Variants in GAGE10 observed in about 807,000 individuals in gnomAD.
GAGE10 encodes the protein G antigen 10.
Under a neutral mutation model 11.5 loss-of-function variants are expected in GAGE10, and 9 were observed. The observed-to-expected ratio is 0.78, with a 90% CI of 0.47 to 1.37. GAGE10 has a LOEUF of 1.37. Among genes scored for constraint, GAGE10 ranks in the 40% most tolerant of loss-of-function variants. GAGE10 has a pLI of 0.00. For synonymous variants in GAGE10, 23 were observed against 29.7 expected (o/e 0.77, Z 0.73); for missense variants, 83 against 92.9 (o/e 0.89, Z 0.44).
intron 3 of GAGE10, among the ~76,000 whole-genome samples, chrX:49,315,741 G>T (rs1355878395): frequency 5.3e-5 from 6 of 112,223 alleles, no homozygotes; most frequent in African/African-American, 1.9e-4. Flanking sequence ...GTTCAGACTT[G>T]GTCCGGATGG....
intron 3 of GAGE10, among the ~76,000 whole-genome samples, chrX:49,316,819 A>C (rs1557125288): frequency 9.0e-6 from 1 of 111,203 alleles, no homozygotes; most frequent in Non-Finnish European, 1.9e-5. Flanking sequence ...ATGCCATATA[A>C]CAGTCTAAGT....
intron 3 of GAGE10, among the ~76,000 whole-genome samples, chrX:49,315,478 C>T (rs1431422477): frequency 1.8e-5 from 2 of 111,601 alleles, no homozygotes; most frequent in Non-Finnish European, 3.8e-5. Flanking sequence ...TGCTCAACTG[C>T]GTCATAAGGT....
At chrX:49,317,336 G>A in intron 4 of GAGE10, 48 bp downstream of exon 4, 1 of 1,163,146 alleles carries the variant, frequency 8.6e-7, no homozygotes, top group Non-Finnish European at 1.2e-6. Flanking sequence ...TGTTTCCACA[G>A]TATCGTATCA....
intron 3 of GAGE10, among the ~76,000 whole-genome samples, chrX:49,315,256 G>A (rs1287014575): frequency 5.4e-5 from 6 of 111,961 alleles, no homozygotes; most frequent in African/African-American, 6.5e-5. Context: ...TTCCTCTAAA[G>A]CAAAGGGAAC....
rs373258005 is a variant in GAGE10 at position 49,317,323 on chromosome X, G to A, written c.328+35G>A. ...CCATTAGGCATGCACATTGTAGGGT[G>A]TCTGTTTCCACAGTATCGTATCATA... On this transcript the variant is annotated intron_variant, in intron 4 of 4. Transcript: ENST00000407599. The A allele has an allele frequency of 3.4e-6, 4 of 1,176,387 alleles. No individual in the cohort carries two copies. The African/African-American group carries it at 7.1e-5, about 21-fold the overall frequency.
chrX:49,310,086 A>C (rs1372585805), intron 3 of GAGE10, among the ~76,000 whole-genome samples: 1 of 112,386 alleles, frequency 8.9e-6, no homozygotes, highest in African/African-American at 3.2e-5. Flanking sequence ...GTTTTAAGAA[A>C]GACTTTGTGA....
chrX:49,309,152 G>A (rs1256980986), intron 3 of GAGE10, among the ~76,000 whole-genome samples: 1 of 111,931 alleles, frequency 8.9e-6, no homozygotes, highest in East Asian at 2.8e-4. Flanking sequence ...TCCCATAATA[G>A]GACCCAGTCT....
chrX:49,317,069 CTT>C (rs1178854666), intron 3 of GAGE10, 92 bp from the exon 4 acceptor site: 1 of 996,175 alleles, frequency 1.0e-6, no homozygotes, highest in Non-Finnish European at 1.4e-6. Context: ...CTAGCTAAAG[CTT>C]TTATATAATA....
chrX:49,308,020 G>C (rs2066363418), intron 3 of GAGE10, among the ~76,000 whole-genome samples: 1 of 112,053 alleles, frequency 8.9e-6, no homozygotes, highest in Non-Finnish European at 1.9e-5. Context: ...AAAACATGTT[G>C]TTCCTTGAAA....
chrX:49,316,626 G>A (rs782307718), intron 3 of GAGE10, among the ~76,000 whole-genome samples: 4 of 111,886 alleles, frequency 3.6e-5, no homozygotes, highest in Non-Finnish European at 5.6e-5. Flanking sequence ...TCTTGCATGT[G>A]CTTTTCAGGT....
At chrX:49,308,231 C>A (rs1488139170) in intron 3 of GAGE10, among the ~76,000 whole-genome samples, 1 of 112,256 alleles carries the variant, frequency 8.9e-6, no homozygotes, top group Non-Finnish European at 1.9e-5. Flanking sequence ...TCCTCCTCAA[C>A]CCCTCGGTCT....
chrX:49,317,381 T>G, intron 4 of GAGE10, 93 bp downstream of exon 4: 1 of 1,109,916 alleles, frequency 9.0e-7, no homozygotes, highest in Non-Finnish European at 1.2e-6. Context: ...GGAGTCTTGC[T>G]CTGTCCACCA....
chrX:49,317,642 G>A (rs2066399018), intron 4 of GAGE10, among the ~76,000 whole-genome samples: 1 of 77,530 alleles, frequency 1.3e-5, no homozygotes, highest in South Asian at 7.4e-4. Flanking sequence ...GCCACCATAC[G>A]CGACCAAGGC....
At chrX:49,305,575 TCGTG>T (rs2066353340) in intron 3 of GAGE10, 51 bp downstream of exon 3, 1 of 489,280 alleles carries the variant, frequency 2.0e-6, no homozygotes, top group Admixed American at 4.4e-5. Context: ...GTGTGTGTGT[TCGTG>T]TGTGTGTGTG....
intron 3 of GAGE10, among the ~76,000 whole-genome samples, chrX:49,315,433 G>A (rs782789931): frequency 8.0e-5 from 9 of 111,984 alleles, no homozygotes; most frequent in Non-Finnish European, 1.7e-4. Context: ...CCTGGGCACA[G>A]GATGGGTCAT....
Position 49,303,882 on chromosome X carries a change from G to A in GAGE10, c.-9+129G>A, listed in dbSNP as rs1557123732. The A allele has an allele frequency of 2.7e-5, 3 of 112,204 alleles. No homozygotes were observed. The Admixed American group carries it at 2.8e-4, about 11-fold the overall frequency. The allele number at this position is 112,204 out of a possible 1,213,427, so 9.2% of individuals were successfully genotyped here. A position where few individuals can be genotyped will look rare whatever the true frequency, so the allele number is the denominator to read the frequency against. Reference sequence around the variant, plus strand: ...GGCCTCTGAGGGAGAAGGGCCTCGAGGCTTCTGAAAGGGAAGGGGCTCCTG... The same window carrying A: ...GGCCTCTGAGGGAGAAGGGCCTCGAAGCTTCTGAAAGGGAAGGGGCTCCTG... On this transcript the variant is annotated intron_variant, in intron 1 of 4. Coordinates refer to ENST00000407599, the MANE Select transcript of GAGE10 (RefSeq NM_001098413.4).
chrX:49,307,356 TTCCTTGG>T (rs1442223108), intron 3 of GAGE10, among the ~76,000 whole-genome samples: 2 of 112,574 alleles, frequency 1.8e-5, no homozygotes, highest in Non-Finnish European at 3.7e-5. Context: ...GAAAAAGTAA[TTCCTTGG>T]TCATCACTGC....
At position 49,304,949 on chromosome X, in the gene GAGE10, T is replaced by C; in HGVS notation, c.81+9T>C. ...TGATTGGGCCTATGCTGGTGAGTGC[T>C]TAAACGTTAATTCGTTGTTTTCTAT... On this transcript the variant is annotated intron_variant, in intron 2 of 4. Coordinates refer to ENST00000407599, the MANE Select transcript of GAGE10 (RefSeq NM_001098413.4). 2 of 1,194,838 alleles carry C rather than the reference T, an allele frequency of 1.7e-6. No homozygotes were observed. The highest frequency in any genetic ancestry group is 2.3e-6 in the Non-Finnish European group (2 of 882,997).
intron 3 of GAGE10, among the ~76,000 whole-genome samples, chrX:49,310,848 G>C (rs1308392238): frequency 9.0e-6 from 1 of 111,435 alleles, no homozygotes; most frequent in Non-Finnish European, 1.9e-5. Flanking sequence ...TATTATTAGG[G>C]GACAAGAAGT....
Sources: allele counts gnomAD v4.1 joint callset (sites outside exome capture counted in the v4.1 genomes callset), GRCh38; gene constraint gnomAD v4.1.1; transcripts MANE v1.5; gene names NCBI Gene and HGNC (gene_info 2026-07-23, HGNC 2026-07-21).